The following SOX6 variants were observed in gnomAD, a reference collection of about 807,000 sequenced individuals.
The protein encoded by SOX6 is transcription factor SOX-6.
SOX6 carries 11 observed loss-of-function variants against 97.8 expected under a neutral mutation model. The ratio of observed to expected loss-of-function variants is 0.11; its 90% CI spans 0.07 to 0.19. The LOEUF (loss-of-function observed/expected upper bound fraction) is 0.19, where lower values mean the gene tolerates loss of function less well. Ranked by LOEUF, SOX6 falls within the 10% of genes least tolerant of loss-of-function variation. SOX6 has a pLI of 1.00. For missense variants in SOX6, 810 were observed against 1,039.5 expected (o/e 0.78, Z 3.04); for synonymous variants, 360 against 371.4 (o/e 0.97, Z 0.35).
intron 3 of SOX6, among the ~76,000 whole-genome samples, chr11:16,652,702 T>C (rs895849964): frequency 6.6e-6 from 1 of 152,008 alleles, no homozygotes; most frequent in African/African-American, 2.4e-5. Context: ...CATTGACTTA[T>C]GCAAAGAGTT....
At chr11:16,536,478 G>A (rs1861309822) in intron 4 of SOX6, among the ~76,000 whole-genome samples, 1 of 152,302 alleles carries the variant, frequency 6.6e-6, no homozygotes, top group Admixed American at 6.5e-5. Context: ...CCCATGGAGG[G>A]TGAGCTGAAG....
intron 3 of SOX6, among the ~76,000 whole-genome samples, chr11:16,234,981 A>T (rs1299955638): frequency 1.3e-5 from 2 of 152,060 alleles, no homozygotes; most frequent in Non-Finnish European, 2.9e-5. Flanking sequence ...GATAGTACAG[A>T]AAAGAGGGCT....
At chr11:16,632,952 C>T (rs1848732659) in intron 3 of SOX6, among the ~76,000 whole-genome samples, 1 of 152,168 alleles carries the variant, frequency 6.6e-6, no homozygotes, top group African/African-American at 2.4e-5. Context: ...GATCTCTGCA[C>T]AGGAAGGGTA....
intron 9 of SOX6, among the ~76,000 whole-genome samples, chr11:16,094,043 G>T (rs1270347656): frequency 6.6e-6 from 1 of 151,886 alleles, no homozygotes; most frequent in African/African-American, 2.4e-5. Flanking sequence ...GCAAAAATAG[G>T]AGGTAATAGA....
chr11:16,211,096 C>T (rs1679169187), intron 4 of SOX6, among the ~76,000 whole-genome samples: 1 of 151,560 alleles, frequency 6.6e-6, no homozygotes, highest in African/African-American at 2.4e-5. Context: ...TAGGTAAACA[C>T]ATAAAAATAA....
chr11:16,319,151 C>T (rs1040438218), intron 2 of SOX6, among the ~76,000 whole-genome samples: 1 of 152,130 alleles, frequency 6.6e-6, no homozygotes, highest in African/African-American at 2.4e-5. Context: ...AGCCAATGTT[C>T]ATTGTTCACC....
At chr11:16,349,001 T>C (rs890819880) in intron 1 of SOX6, among the ~76,000 whole-genome samples, 1 of 152,106 alleles carries the variant, frequency 6.6e-6, no homozygotes, top group Non-Finnish European at 1.5e-5. Context: ...TTGGTGACCA[T>C]ATTGGCTCAC....
intron 3 of SOX6, among the ~76,000 whole-genome samples, chr11:16,640,689 A>C (rs11499717): frequency 1.3e-5 from 2 of 152,204 alleles, no homozygotes; most frequent in Non-Finnish European, 2.9e-5. Context: ...TTTTCTAGTT[A>C]ATTTGCGTAG....
At chr11:16,576,700 A>G (rs1847987666) in intron 4 of SOX6, among the ~76,000 whole-genome samples, 1 of 152,192 alleles carries the variant, frequency 6.6e-6, no homozygotes, top group Non-Finnish European at 1.5e-5. Context: ...AGTTTTTCAG[A>G]TTTAGAATAA....
At chr11:16,526,584 GTAAC>G (rs1399974470) in intron 4 of SOX6, among the ~76,000 whole-genome samples, 1 of 151,894 alleles carries the variant, frequency 6.6e-6, no homozygotes, top group Non-Finnish European at 1.5e-5. Context: ...GTATACATAT[GTAAC>G]TAACCTGCAC....
At chr11:16,512,839 A>G (rs1320280812) in intron 4 of SOX6, among the ~76,000 whole-genome samples, 1 of 152,346 alleles carries the variant, frequency 6.6e-6, no homozygotes, top group South Asian at 2.1e-4. Context: ...GTAAAGGAAA[A>G]TAACAAAACT....
chr11:15,978,112 A>C (rs1238973082), intron 15 of SOX6, among the ~76,000 whole-genome samples: 3 of 152,028 alleles, frequency 2.0e-5, no homozygotes, highest in Non-Finnish European at 4.4e-5. Context: ...TGAATCATTA[A>C]TTTTTTATAG....
At chr11:16,016,861 G>A (rs1004304247) in intron 12 of SOX6, among the ~76,000 whole-genome samples, 1 of 151,978 alleles carries the variant, frequency 6.6e-6, no homozygotes, top group Non-Finnish European at 1.5e-5. Flanking sequence ...CTTCTTGGAA[G>A]AACAACCTTT....
At chr11:16,371,995 C>T (rs928079190) in intron 1 of SOX6, among the ~76,000 whole-genome samples, 8 of 151,952 alleles carry the variant, frequency 5.3e-5, no homozygotes, top group Admixed American at 2.6e-4. Flanking sequence ...ATAAAAGGCA[C>T]CTAATATTTG....
intron 3 of SOX6, among the ~76,000 whole-genome samples, chr11:16,293,610 G>C (rs1854979439): frequency 6.6e-6 from 1 of 151,958 alleles, no homozygotes; most frequent in Non-Finnish European, 1.5e-5. Context: ...ACATTCTTTT[G>C]GCAACACATC....
intron 4 of SOX6, among the ~76,000 whole-genome samples, chr11:16,581,170 A>G (rs558785184): frequency 6.6e-6 from 1 of 152,344 alleles, no homozygotes; most frequent in East Asian, 1.9e-4. Context: ...AGCACTATTT[A>G]TAATAGCAAG....
At chr11:16,526,114 C>A (rs1006616072) in intron 4 of SOX6, among the ~76,000 whole-genome samples, 1 of 152,122 alleles carries the variant, frequency 6.6e-6, no homozygotes, top group Non-Finnish European at 1.5e-5. Context: ...TACCATTTGA[C>A]CCAGCCATCC....
rs188041765 is a variant in SOX6 at position 16,162,358 on chromosome 11, C to T, written c.777+21528G>A. On this transcript the variant is annotated intron_variant, in intron 6 of 15. Transcript: ENST00000683767. ...CATGTGATCTTGGACAAGCAATACC[C>T]TTGATATAGTTTGGATATTTGTCCC... 6.2e-3 allele frequency among the ~76,000 whole-genome samples: 937 copies of T among 152,248 alleles called. 5 individuals are homozygous for T. The highest frequency in any genetic ancestry group is 0.01 in the Middle Eastern group (3 of 294).
intron 4 of SOX6, among the ~76,000 whole-genome samples, chr11:16,501,148 T>C (rs1237482804): frequency 6.6e-6 from 1 of 152,008 alleles, no homozygotes; most frequent in Non-Finnish European, 1.5e-5. Flanking sequence ...CTCTCAGAAA[T>C]AATGCCACAT....
Sources: allele counts gnomAD v4.1 joint callset (sites outside exome capture counted in the v4.1 genomes callset), GRCh38; gene constraint gnomAD v4.1.1; transcripts MANE v1.5; gene names NCBI Gene and HGNC (gene_info 2026-07-23, HGNC 2026-07-21).